Variants in PIK3CA observed in about 807,000 individuals in gnomAD.
PIK3CA encodes phosphatidylinositol 4,5-bisphosphate 3-kinase catalytic subunit alpha isoform.
PIK3CA carries 27 observed loss-of-function variants against 138.2 expected under a neutral mutation model. That is an observed-to-expected ratio of 0.20 (90% CI 0.14 to 0.27). PIK3CA has a LOEUF of 0.27. Among genes scored for constraint, PIK3CA ranks in the 10% least tolerant of loss-of-function variants. The pLI, the probability that PIK3CA is intolerant of heterozygous loss-of-function variation, is 1.00. For synonymous variants in PIK3CA, 358 were observed against 413.2 expected, an observed-to-expected ratio of 0.87 and a Z score of 1.62; for missense variants, 544 against 1,277.4, an observed-to-expected ratio of 0.43 and a Z score of 8.75.
rs1038836238 is a variant in PIK3CA at position 179,209,699 on chromosome 3, A to T, written c.1250A>T (p.Glu417Val). Residue 417 changes from glutamate (E) to valine (V), a missense_variant and splice_region_variant, in exon 7 of 21, where the codon GAG (glutamate) becomes GTG (valine). Transcript: ENST00000263967. ...GTTAAAGGCCGAAAGGGTGCTAAAG[A>T]GGTAAAGTATTTCAGAAGGAACAAT... ...CSVKGRKGAK[E>V]EHCPLAWGNI... The T allele has an allele frequency of 1.3e-6, 2 of 1,569,886 alleles. No homozygotes were observed. Among genetic ancestry groups the T allele is most frequent in the Non-Finnish European group, 1.7e-6 (2 of 1,147,642 alleles).
chr3:179,217,457 A>G (rs1035759856), intron 9 of PIK3CA, among the ~76,000 whole-genome samples: 2 of 152,104 alleles, frequency 1.3e-5, no homozygotes, highest in Non-Finnish European at 2.9e-5. Flanking sequence ...ATGCTGCTGA[A>G]TAAGTTAACA....
At chr3:179,206,938 A>G (rs1724578323) in intron 6 of PIK3CA, among the ~76,000 whole-genome samples, 1 of 151,962 alleles carries the variant, frequency 6.6e-6, no homozygotes, top group Non-Finnish European at 1.5e-5. Flanking sequence ...AAAAAAAGTA[A>G]AAGATAAACT....
rs1272489420 is a variant in PIK3CA at position 179,220,179 on chromosome 3, A to T, written c.2015+127A>T. The T allele has an allele frequency of 4.4e-6, 4 of 918,548 alleles. No individual in the cohort carries two copies. The highest frequency in any genetic ancestry group is 6.1e-6 in the Non-Finnish European group (4 of 658,042). The allele number at this position is 918,548 out of a possible 1,614,324, so 56.9% of individuals were successfully genotyped here. Reference sequence around the variant, plus strand: ...GGCTGGAAGAGTTTTCCATACTAAAAGTATTTTGTACCAGTGATGAGCTTC... The same window carrying T: ...GGCTGGAAGAGTTTTCCATACTAAATGTATTTTGTACCAGTGATGAGCTTC... On this transcript the variant is annotated intron_variant, in intron 13 of 20. Transcript: ENST00000263967. This position sits in a 1 kb window ranked among gnomAD's most constrained non-coding sequence, Gnocchi z 4.1.
chr3:179,175,666 GC>G (rs1342151975), intron 1 of PIK3CA, among the ~76,000 whole-genome samples: 1 of 147,944 alleles, frequency 6.8e-6, no homozygotes, highest in Non-Finnish European at 1.5e-5. Flanking sequence ...TTTTTATTCT[GC>G]CTTCTGGAAA....
chr3:179,170,055 TGCGCGTGCACACGC>T (rs1211466415), intron 1 of PIK3CA, among the ~76,000 whole-genome samples: 17 of 129,086 alleles, frequency 1.3e-4, no homozygotes, highest in Non-Finnish European at 1.7e-4. Flanking sequence ...GACATGCACA[TGCGCGTGCACACGC>T]GCGCGCGCAC....
intron 1 of PIK3CA, among the ~76,000 whole-genome samples, chr3:179,169,797 TA>T (rs1723505957): frequency 6.6e-6 from 1 of 152,230 alleles, no homozygotes; most frequent in Non-Finnish European, 1.5e-5. Context: ...TACTCTGTTT[TA>T]GAGGTGGACA....
chr3:179,167,302 T>C (rs1723444673), intron 1 of PIK3CA, among the ~76,000 whole-genome samples: 2 of 152,110 alleles, frequency 1.3e-5, no homozygotes, highest in African/African-American at 2.4e-5. Flanking sequence ...GTTTCTGATA[T>C]TGTTTCTTAA....
At chr3:179,207,146 T>C (rs1724583311) in intron 6 of PIK3CA, among the ~76,000 whole-genome samples, 1 of 152,148 alleles carries the variant, frequency 6.6e-6, no homozygotes, top group Non-Finnish European at 1.5e-5. Flanking sequence ...ATTAAAAAGA[T>C]AGAAAAGTAG....
intron 1 of PIK3CA, among the ~76,000 whole-genome samples, chr3:179,165,380 A>G (rs1723392465): frequency 6.6e-6 from 1 of 152,030 alleles, no homozygotes; most frequent in Non-Finnish European, 1.5e-5. Context: ...AGTACTGGGA[A>G]CCTGAATTTT....
chr3:179,225,357 A>G (rs1203103909), intron 16 of PIK3CA, among the ~76,000 whole-genome samples: 2 of 152,146 alleles, frequency 1.3e-5, no homozygotes. Context: ...CTCAGGAACC[A>G]TATAAAAGAA....
At chr3:179,221,208 A>C in intron 14 of PIK3CA, 51 bp downstream of exon 14, 2 of 1,365,590 alleles carry the variant, frequency 1.5e-6, no homozygotes, top group Non-Finnish European at 2.1e-6. Flanking sequence ...AGTGGGGCAG[A>C]GTTGTTTAGA....
intron 9 of PIK3CA, among the ~76,000 whole-genome samples, chr3:179,215,338 G>A (rs1724813464): frequency 1.3e-5 from 2 of 152,022 alleles, no homozygotes; most frequent in African/African-American, 2.4e-5. Flanking sequence ...TCAAAGAAAA[G>A]AAATTTGCTT....
Position 179,229,296 on chromosome 3 carries a change from A to C in PIK3CA, c.2520A>C (p.Ser840=). Reference sequence around the variant, plus strand: ...GAATGTTACCTTATGGTTGTCTGTCAATCGGTGACTGTGTGGGACTTATTG... The same window carrying C: ...GAATGTTACCTTATGGTTGTCTGTCCATCGGTGACTGTGTGGGACTTATTG... ...DLRMLPYGCL[S]IGDCVGLIEV... Residue 840 remains serine, a synonymous_variant, in exon 18 of 21, where the codon TCA becomes TCC. Coordinates refer to ENST00000263967, the MANE Select transcript of PIK3CA (RefSeq NM_006218.4). The C allele has an allele frequency of 6.2e-7, 1 of 1,612,346 alleles. No individual in the cohort carries two copies. Among genetic ancestry groups the C allele is most frequent in the Non-Finnish European group, 8.5e-7 (1 of 1,179,182 alleles).
chr3:179,206,016 A>AACCAC (rs1247158796), intron 6 of PIK3CA, among the ~76,000 whole-genome samples: 1 of 152,028 alleles, frequency 6.6e-6, no homozygotes, highest in Non-Finnish European at 1.5e-5. Context: ...AGCCTACCTA[A>AACCAC]ACCACTGTAG....
intron 6 of PIK3CA, among the ~76,000 whole-genome samples, chr3:179,204,862 T>TA (rs1432398973): frequency 3.3e-5 from 5 of 150,544 alleles, no homozygotes; most frequent in Admixed American, 2.6e-4. Flanking sequence ...CTACTAAAAA[T>TA]AAAAAAACAT....
In PIK3CA at chr3:179,210,284, T is replaced by C. The variant is rs761452333; in HGVS notation, c.1350T>C (p.His450=). 3 of 1,593,356 alleles carry C rather than the reference T, an allele frequency of 1.9e-6. No individual in the cohort carries two copies. Among genetic ancestry groups the C allele is most frequent in the East Asian group, 2.2e-5 (1 of 44,702 alleles). ...KMALNLWPVP[H]GLEDLLNPIG... The stretch of plus-strand genomic sequence containing the variant: ...CTTTGAATCTTTGGCCAGTACCTCA[T>C]GGATTAGAAGATTTGCTGAACCCTA... Residue 450 remains histidine, a synonymous_variant, in exon 8 of 21, where the codon CAT becomes CAC. Coordinates refer to ENST00000263967, the MANE Select transcript of PIK3CA (RefSeq NM_006218.4).
In PIK3CA at chr3:179,176,600, G is replaced by A. The variant is rs115284781; in HGVS notation, c.-76-22150G>A. On this transcript the variant is annotated intron_variant, in intron 1 of 20. Transcript: ENST00000263967. ...AACTATTTTGCAGCTGTTCCTTCAC[G>A]ACTTTGCTACATCTTGGAGATCTTT... 1.6e-3 allele frequency among the ~76,000 whole-genome samples: 240 copies of A among 152,088 alleles called. 2 individuals carry two copies. Among genetic ancestry groups the A allele is most frequent in the African/African-American group, 5.6e-3 (232 of 41,476 alleles).
chr3:179,235,147 AAG>A lies in PIK3CA; in HGVS notation c.*785_*786del, dbSNP rs1365499428. On this transcript the variant is annotated 3_prime_UTR_variant, in exon 21 of 21. Transcript: ENST00000263967. ...TAAAAAAAAAAAAAAATCATAGAAA[AAG>A]AATGAGCAGGAATAGTTCTTATTCC... 2 of 189,424 alleles carry A rather than the reference AAG, an allele frequency of 1.1e-5. No individual in the cohort carries two copies. The highest frequency in any genetic ancestry group is 4.7e-5 in the African/African-American group (2 of 42,804). 11.7% of individuals were successfully genotyped at this position (189,424 alleles called of 1,614,324 possible). A position where few individuals can be genotyped will look rare whatever the true frequency, so the allele number is the denominator to read the frequency against.
intron 1 of PIK3CA, among the ~76,000 whole-genome samples, chr3:179,153,461 C>T (rs1723061340): frequency 6.6e-6 from 1 of 152,108 alleles, no homozygotes; most frequent in Non-Finnish European, 1.5e-5. Context: ...TGTTTGCTTT[C>T]TGGTGGTCAA....
Sources: gnomAD v4.1 joint callset for allele counts (sites outside exome capture counted in the v4.1 genomes callset) on GRCh38, gnomAD v4.1.1 for gene constraint, Gnocchi (gnomAD v3.1) non-coding constraint, MANE v1.5 for transcripts, NCBI Gene and HGNC (gene_info 2026-07-23, HGNC 2026-07-21) for gene names.